PEAR1: variants seen among roughly 807,000 people sequenced by gnomAD.
PEAR1 encodes the protein multiple EGF-like domains protein 12.
PEAR1 carries 113 observed loss-of-function variants against 131.2 expected under a neutral mutation model. The observed-to-expected ratio is 0.86, with a 90% CI of 0.74 to 1.01. The LOEUF (loss-of-function observed/expected upper bound fraction) is 1.01, where lower values mean the gene tolerates loss of function less well. Ranked by LOEUF, PEAR1 falls within the 50% of genes least tolerant of loss-of-function variation. The probability of loss-of-function intolerance (pLI) is 0.00; values close to 1 mark genes in which losing one functional copy is unlikely to be tolerated. For synonymous variants in PEAR1, 565 were observed against 523.3 expected (o/e 1.08, Z -1.09); for missense variants, 1,408 against 1,391.1 (o/e 1.01, Z -0.19).
In PEAR1 at chr1:156,912,558, G is replaced by T. The variant is rs1651346873; in HGVS notation, c.2145G>T (p.Lys715Asn). The change falls in exon 17 of 23, where the codon AAG becomes AAT. Residue 715 changes from lysine to asparagine, a missense_variant. By Grantham distance (94) the Lys-to-Asn change is moderately conservative (BLOSUM62 0). Coordinates refer to ENST00000292357, the MANE Select transcript of PEAR1 (RefSeq NM_001080471.3). ...CATGCCAGTGTGGTCCTGGAGAAAA[G>T]TGCCACCCAGAGACTGGGGCCTGTG... is the stretch of plus-strand genomic sequence containing the variant. ...SQPCQCGPGEKCHPETGACVC... is the reference protein window; with the variant it reads ...SQPCQCGPGENCHPETGACVC... 6.2e-7 allele frequency: 1 copy of T among 1,613,952 alleles called. No individual in the cohort carries two copies. The highest frequency in any genetic ancestry group is 8.5e-7 in the Non-Finnish European group (1 of 1,180,030).
intron 1 of PEAR1, among the ~76,000 whole-genome samples, chr1:156,899,461 C>T (rs1366884341): frequency 6.6e-6 from 1 of 152,018 alleles, no homozygotes; most frequent in Non-Finnish European, 1.5e-5. Flanking sequence ...AGCCTGGCCC[C>T]CTCCTGCCCC....
chr1:156,912,977 T>C lies in PEAR1; in HGVS notation c.2417T>C (p.Met806Thr), dbSNP rs1570991318. 5.0e-6 allele frequency: 8 copies of C among 1,614,114 alleles called. No homozygotes were observed. Among genetic ancestry groups the C allele is most frequent in the Middle Eastern group, 1.7e-4 (1 of 6,036 alleles). The change falls in exon 18 of 23, where the codon ATG becomes ACG. Residue 806 changes from methionine to threonine, a missense_variant. Met to Thr is a moderately conservative substitution (Grantham distance 81). Transcript: ENST00000292357. ...CGCCTGGACGGCTCCGAGTATGTCA[T>C]GCCAGGTGAGCTGGCACAGGGCCTG... ...SGRLDGSEYV[M>T]PDVPPSYSHY...
At position 156,899,614 on chromosome 1, in the gene PEAR1, G is replaced by T. The variant is rs115970372; in HGVS notation, c.-9-4304G>T. Among the ~76,000 whole-genome samples the T allele has an allele frequency of 3.4e-3, 522 of 152,336 alleles. 6 individuals carry two copies. The highest frequency in any genetic ancestry group is 5.3e-3 in the Non-Finnish European group (360 of 68,026). ...GGAGGGCGGATGGGGGCCACATTGG[G>T]TGCAAGAGGAGGAGTGGGACTGAGA... On this transcript the variant is annotated intron_variant, in intron 1 of 22. Transcript: ENST00000292357.
chr1:156,900,533 T>G (rs1649580215), intron 1 of PEAR1, among the ~76,000 whole-genome samples: 1 of 152,318 alleles, frequency 6.6e-6, no homozygotes, highest in African/African-American at 2.4e-5. Flanking sequence ...CTGTGCCTGC[T>G]TCCTCATCTC....
chr1:156,895,857 G>A (rs1272785282), intron 1 of PEAR1, among the ~76,000 whole-genome samples: 1 of 152,194 alleles, frequency 6.6e-6, no homozygotes, highest in African/African-American at 2.4e-5. Flanking sequence ...AAGGTATGAG[G>A]ATCTCTGGAG....
intron 14 of PEAR1, 76 bp from the exon 15 acceptor site, chr1:156,910,541 TG>T: frequency 6.3e-7 from 1 of 1,578,384 alleles, no homozygotes; most frequent in Non-Finnish European, 8.6e-7. Context: ...AGTGGGAAGG[TG>T]GGAGGGAGAC....
intron 3 of PEAR1, 70 bp from the exon 4 acceptor site, chr1:156,905,254 T>C: frequency 2.7e-6 from 4 of 1,492,362 alleles, no homozygotes; most frequent in Non-Finnish European, 3.7e-6. Flanking sequence ...TTCCCTGGCC[T>C]CCCCCTGGCC....
At chr1:156,899,166 A>T (rs1006314543) in intron 1 of PEAR1, among the ~76,000 whole-genome samples, 2 of 152,106 alleles carry the variant, frequency 1.3e-5, no homozygotes, top group African/African-American at 4.8e-5. Context: ...AGATGAGGAG[A>T]TGGAGGATCA....
chr1:156,914,112 C>G lies in PEAR1; in HGVS notation c.2962+12C>G. ...CCCCCTGATCCATGGTGAGCCCTCC[C>G]TCTCCACTGGCAGGAGCAGCAGAGA... On this transcript the variant is annotated intron_variant, in intron 22 of 22. Transcript: ENST00000292357. 3 of 1,575,972 alleles carry G rather than the reference C, an allele frequency of 1.9e-6. No individual in the cohort carries two copies. The highest frequency in any genetic ancestry group is 2.6e-6 in the Non-Finnish European group (3 of 1,159,762).
In PEAR1 at chr1:156,903,913, T is replaced by G. The variant is rs758563670; in HGVS notation, c.-9-5T>G. ...ACTGCCCACTCTGCGCCGGTCTTGC[T>G]GCAGGCCTCTGCAATGTCACCGCCT... is the stretch of plus-strand genomic sequence containing the variant. On this transcript the variant is annotated splice_region_variant and splice_polypyrimidine_tract_variant and intron_variant, in intron 1 of 22. Transcript: ENST00000292357. The G allele has an allele frequency of 6.8e-6, 11 of 1,611,962 alleles. No individual in the cohort carries two copies.
At position 156,913,716 on chromosome 1, in the gene PEAR1, A is replaced by G. The variant is rs1297306852; in HGVS notation, c.2669A>G (p.Tyr890Cys). 2 of 1,614,070 alleles carry G rather than the reference A, an allele frequency of 1.2e-6. No individual in the cohort carries two copies. The highest frequency in any genetic ancestry group is 1.7e-6 in the Non-Finnish European group (2 of 1,180,006). The stretch of plus-strand genomic sequence containing the variant: ...GGGAGCAGCCGCCTGGACCGAAGCT[A>G]CAGCTATAGCTACAGCAATGGCCCA... The part of the protein sequence containing the change: ...DRGSSRLDRS[Y>C]SYSYSNGPGP... Residue 890 changes from tyrosine to cysteine, a missense_variant, in exon 21 of 23, where the codon TAC becomes TGC. Physicochemically the swap from Tyr to Cys is radical, Grantham distance 194. Coordinates refer to ENST00000292357, the MANE Select transcript of PEAR1 (RefSeq NM_001080471.3).
rs1650527722 is a variant in PEAR1, at chr1:156,907,903, T to G, written c.766-12T>G. On this transcript the variant is annotated splice_polypyrimidine_tract_variant and intron_variant, in intron 7 of 22. Coordinates refer to ENST00000292357, the MANE Select transcript of PEAR1 (RefSeq NM_001080471.3). ...GGGTGCCTGGGGCCCTGTTGACCTC[T>G]TATCCCCACAGGGCACCATCTGCTC... 1.9e-6 allele frequency: 3 copies of G among 1,597,394 alleles called. No individual in the cohort carries two copies. The African/African-American group carries it at 4.0e-5, about 21-fold the overall frequency.
At chr1:156,911,037 T>TTTTTTC (rs1651014460) in intron 15 of PEAR1, among the ~76,000 whole-genome samples, 1 of 113,274 alleles carries the variant, frequency 8.8e-6, no homozygotes, top group Non-Finnish European at 1.8e-5. Context: ...CTTGATTTCT[T>TTTTTTC]TTTCTTTCTT....
intron 1 of PEAR1, among the ~76,000 whole-genome samples, chr1:156,895,131 C>T (rs1649038717): frequency 6.6e-6 from 1 of 152,224 alleles, no homozygotes; most frequent in East Asian, 1.9e-4. Flanking sequence ...GTTGGCCAGA[C>T]TCACTTCTCT....
chr1:156,905,018 A>C (rs763574171), intron 3 of PEAR1, 166 bp downstream of exon 3: 6 of 1,539,498 alleles, frequency 3.9e-6, no homozygotes, highest in African/African-American at 1.4e-5. Context: ...TATGGGATGT[A>C]TATGTGAATG....
At position 156,914,815 on chromosome 1, in the gene PEAR1, G is replaced by T. The variant is rs1446108926; in HGVS notation, c.*17G>T. On this transcript the variant is annotated 3_prime_UTR_variant, in exon 23 of 23. Transcript: ENST00000292357. ...GACCGTTGAGGAGCCAGGATGGTAT[G>T]GCAGAGGCCAGCACACCTGGCTGTT... 1.2e-6 allele frequency: 2 copies of T among 1,612,968 alleles called. No homozygotes were observed. The highest frequency in any genetic ancestry group is 1.7e-6 in the Non-Finnish European group (2 of 1,179,394).
intron 1 of PEAR1, 78 bp from the exon 2 acceptor site, chr1:156,903,840 G>C: frequency 8.2e-7 from 1 of 1,214,862 alleles, no homozygotes; most frequent in South Asian, 1.2e-5. Context: ...GCATGCCCAC[G>C]GCTCAGATCT....
At chr1:156,907,876 C>T (rs748385751) in intron 7 of PEAR1, 39 bp from the exon 8 acceptor site, 3 of 1,594,058 alleles carry the variant, frequency 1.9e-6, no homozygotes, top group Non-Finnish European at 2.6e-6. Flanking sequence ...GGGGAGGAGG[C>T]TGGGTGCCTG....
chr1:156,908,115 G>T lies in PEAR1; in HGVS notation c.903-13G>T, dbSNP rs1435289524. ...GGTGGGGCGCCGCCAGGCTCACTCA[G>T]CTAGGTGCCCAGGTGCCGGGAGGAG... On this transcript the variant is annotated splice_polypyrimidine_tract_variant and intron_variant, in intron 8 of 22. Coordinates refer to ENST00000292357, the MANE Select transcript of PEAR1 (RefSeq NM_001080471.3). The surrounding 1 kb of genome is among the most constrained non-coding windows in gnomAD (Gnocchi z 4.2). 6.3e-7 allele frequency: 1 copy of T among 1,595,634 alleles called. No individual in the cohort carries two copies.
Sources: gnomAD v4.1 joint callset for allele counts (sites outside exome capture counted in the v4.1 genomes callset) on GRCh38, gnomAD v4.1.1 for gene constraint, Gnocchi (gnomAD v3.1) non-coding constraint, MANE v1.5 for transcripts, NCBI Gene and HGNC (gene_info 2026-07-23, HGNC 2026-07-21) for gene names.